MTA3: variants seen among roughly 807,000 people sequenced by gnomAD.
MTA3 encodes metastasis-associated protein MTA3.
A neutral mutation model predicts 83.5 loss-of-function variants in MTA3; 34 were observed. That is an observed-to-expected ratio of 0.41 (90% confidence interval 0.31 to 0.54). The LOEUF (loss-of-function observed/expected upper bound fraction) is 0.54. MTA3 is among the 20% of genes least tolerant of loss of function. MTA3 has a pLI of 0.33. For missense variants in MTA3, 761 were observed against 726.4 expected, an observed-to-expected ratio of 1.05 and a Z score of -0.55; for synonymous variants, 303 against 252.7, an observed-to-expected ratio of 1.20 and a Z score of -1.89.
At chr2:42,540,844 A>G (rs896099174) in intron 2 of MTA3, among the ~76,000 whole-genome samples, 9 of 151,998 alleles carry the variant, frequency 5.9e-5, no homozygotes, top group African/African-American at 2.2e-4. Flanking sequence ...CAAAAAAAAA[A>G]AAATTAAAAA....
At chr2:42,610,194 G>T (rs879702875) in intron 4 of MTA3, among the ~76,000 whole-genome samples, 1 of 152,188 alleles carries the variant, frequency 6.6e-6, no homozygotes, top group African/African-American at 2.4e-5. Context: ...AGAGGGTCTA[G>T]CAGACATCAT....
chr2:42,740,432 A>C (rs1215419966), intron 16 of MTA3, among the ~76,000 whole-genome samples: 1 of 152,128 alleles, frequency 6.6e-6, no homozygotes, highest in East Asian at 1.9e-4. Context: ...AGATCACTTG[A>C]GCCCAGGAGG....
intron 2 of MTA3, among the ~76,000 whole-genome samples, chr2:42,552,935 G>C (rs1021690329): frequency 6.7e-6 from 1 of 149,664 alleles, no homozygotes; most frequent in Non-Finnish European, 1.5e-5. Flanking sequence ...GGGCGACACC[G>C]CAAGACTCCA....
rs113587875 is a variant in MTA3 at position 42,735,930 on chromosome 2, G to A, written c.1759+12895G>A. On this transcript the variant is annotated intron_variant, in intron 16 of 16. Coordinates refer to ENST00000405094, the MANE Select transcript of MTA3 (RefSeq NM_001330442.2). ...CACATATCTCCATCTCTCTGGGATT[G>A]GTCACTGGTGTCTTATTTAGCTTGT... is the stretch of plus-strand genomic sequence containing the variant. 1.8e-3 allele frequency among the ~76,000 whole-genome samples: 276 copies of A among 152,264 alleles called. 1 individual carries two copies. Among genetic ancestry groups the A allele is most frequent in the African/African-American group, 6.5e-3 (268 of 41,540 alleles).
chr2:42,520,988 A>G (rs1675403526), intron 2 of MTA3, among the ~76,000 whole-genome samples: 1 of 152,136 alleles, frequency 6.6e-6, no homozygotes. Flanking sequence ...ACAAATGGCA[A>G]ACTCCTTGTT....
chr2:42,534,039 C>A (rs1676108197), intron 2 of MTA3, among the ~76,000 whole-genome samples: 1 of 152,008 alleles, frequency 6.6e-6, no homozygotes, highest in South Asian at 2.1e-4. Context: ...GAAGGAGGGA[C>A]TTTTTCTTAG....
chr2:42,720,433 G>A (rs949732651), intron 15 of MTA3, among the ~76,000 whole-genome samples: 8 of 152,114 alleles, frequency 5.3e-5, no homozygotes, highest in South Asian at 2.1e-4. Flanking sequence ...CGCCCACCTC[G>A]GCCTCCCAGA....
chr2:42,636,035 C>G (rs566584130), intron 4 of MTA3, among the ~76,000 whole-genome samples: 2 of 152,076 alleles, frequency 1.3e-5, no homozygotes, highest in African/African-American at 4.8e-5. Context: ...TTATAGAATG[C>G]TAGGATTACA....
At chr2:42,614,455 C>T (rs1383476231) in intron 4 of MTA3, among the ~76,000 whole-genome samples, 1 of 152,194 alleles carries the variant, frequency 6.6e-6, no homozygotes, top group Non-Finnish European at 1.5e-5. Flanking sequence ...ATCTGACTTA[C>T]AAATATCTTT....
At chr2:42,546,873 T>C (rs1247472346) in intron 2 of MTA3, among the ~76,000 whole-genome samples, 1 of 152,058 alleles carries the variant, frequency 6.6e-6, no homozygotes, top group Non-Finnish European at 1.5e-5. Flanking sequence ...GTGATCAGGG[T>C]GGGACATGCA....
chr2:42,500,811 C>CT (rs1177557640), intron 2 of MTA3, among the ~76,000 whole-genome samples: 1,587 of 133,146 alleles, frequency 0.012, 25 homozygotes, highest in African/African-American at 0.033. Context: ...CTTTATGAAG[C>CT]TTTTTTTTTT....
At chr2:42,541,163 C>A (rs1455287811) in intron 2 of MTA3, among the ~76,000 whole-genome samples, 3 of 151,898 alleles carry the variant, frequency 2.0e-5, no homozygotes, top group African/African-American at 7.3e-5. Context: ...TTTCTAGTAG[C>A]TGGGATTACA....
At chr2:42,714,477 AG>A (rs1465042510) in intron 14 of MTA3, among the ~76,000 whole-genome samples, 1 of 152,170 alleles carries the variant, frequency 6.6e-6, no homozygotes, top group Non-Finnish European at 1.5e-5. Flanking sequence ...TTATCTTGAC[AG>A]GGTTCTTGAA....
chr2:42,718,736 C>G (rs1558616664), intron 14 of MTA3, among the ~76,000 whole-genome samples: 1 of 152,052 alleles, frequency 6.6e-6, no homozygotes, highest in East Asian at 2.0e-4. Flanking sequence ...GTACTTCAGC[C>G]TGGGTGACAG....
At chr2:42,667,077 C>T (rs1690294742) in intron 8 of MTA3, among the ~76,000 whole-genome samples, 2 of 151,968 alleles carry the variant, frequency 1.3e-5, no homozygotes, top group South Asian at 4.2e-4. Context: ...TGCCACATAC[C>T]CCTCATCCTT....
At chr2:42,752,775 G>T (rs1669977657) in intron 16 of MTA3, among the ~76,000 whole-genome samples, 2 of 152,088 alleles carry the variant, frequency 1.3e-5, no homozygotes, top group Non-Finnish European at 2.9e-5. Flanking sequence ...CTCTTCTCTT[G>T]CCTGGTGTAC....
At chr2:42,601,201 A>C (rs1490680511) in intron 3 of MTA3, among the ~76,000 whole-genome samples, 1 of 152,064 alleles carries the variant, frequency 6.6e-6, no homozygotes, top group South Asian at 2.1e-4. Context: ...ACCATCCCTG[A>C]CCCATTTTTT....
intron 6 of MTA3, among the ~76,000 whole-genome samples, chr2:42,649,959 G>C (rs540814850): frequency 2.0e-5 from 3 of 152,258 alleles, no homozygotes; most frequent in South Asian, 2.1e-4. Flanking sequence ...GTTTTATTAT[G>C]ATTGTTACTT....
At chr2:42,503,092 G>C (rs1225535647) in intron 2 of MTA3, among the ~76,000 whole-genome samples, 2 of 152,186 alleles carry the variant, frequency 1.3e-5, no homozygotes, top group African/African-American at 2.4e-5. Context: ...GTGAAAGCAA[G>C]TTTGTTAGAG....
Sources: gnomAD v4.1 joint callset for allele counts (sites outside exome capture counted in the v4.1 genomes callset) on GRCh38, gnomAD v4.1.1 for gene constraint, MANE v1.5 for transcripts, NCBI Gene and HGNC (gene_info 2026-07-23, HGNC 2026-07-21) for gene names.